EIF3E: variants seen among roughly 807,000 people sequenced by gnomAD.
The protein encoded by EIF3E is eukaryotic translation initiation factor 3 subunit E.
In EIF3E, 25 loss-of-function variants were observed where a neutral mutation model predicts 59.3. That is an observed-to-expected ratio of 0.42 (90% confidence interval 0.31 to 0.59). The LOEUF is 0.59. Ranked by LOEUF, EIF3E falls within the 20% of genes least tolerant of loss-of-function variation. The probability of loss-of-function intolerance (pLI) is 0.15; values close to 1 mark genes in which losing one functional copy is unlikely to be tolerated. For missense variants in EIF3E, 317 were observed against 534.3 expected (o/e 0.59, Z 4.01); for synonymous variants, 176 against 170.2 (o/e 1.03, Z -0.26).
Position 108,216,307 on chromosome 8 carries a change from C to T in EIF3E, c.951+105G>A, listed in dbSNP as rs1001001731. On this transcript the variant is annotated intron_variant, in intron 9 of 12. Transcript: ENST00000220849. ...TTTTTAAGATTAATAAGCATATTTC[C>T]GTTATAATTACTTCATTACTTTAAG... The T allele has an allele frequency of 1.1e-5, 9 of 828,464 alleles. No homozygotes were observed. The Admixed American group carries it at 2.3e-4, about 22-fold the overall frequency. The allele number at this position is 828,464 out of a possible 1,614,324, so 51.3% of individuals were successfully genotyped here.
intron 3 of EIF3E, among the ~76,000 whole-genome samples, chr8:108,239,231 A>G (rs1162761194): frequency 6.6e-6 from 1 of 152,116 alleles, no homozygotes; most frequent in African/African-American, 2.4e-5. Flanking sequence ...CTACTTTGGA[A>G]TGCAGTGGTA....
intron 7 of EIF3E, 133 bp downstream of exon 7, chr8:108,228,134 A>G: frequency 2.0e-6 from 2 of 991,954 alleles, no homozygotes; most frequent in Non-Finnish European, 2.8e-6. Flanking sequence ...GTAACAAGCA[A>G]ATCTACTACA....
intron 10 of EIF3E, among the ~76,000 whole-genome samples, chr8:108,204,646 A>C (rs1428325663): frequency 5.3e-5 from 8 of 151,530 alleles, no homozygotes; most frequent in Middle Eastern, 3.2e-3. Context: ...AGGAAAACAT[A>C]AATAAAACTG....
At chr8:108,203,378 A>G (rs1305386754) in intron 11 of EIF3E, 23 bp downstream of exon 11, 1 of 1,563,066 alleles carries the variant, frequency 6.4e-7, no homozygotes, top group Non-Finnish European at 8.8e-7. Flanking sequence ...GATAGTATGT[A>G]GCATAGCTAA....
chr8:108,204,746 T>TATATATATATAGAG (rs1354950271), intron 10 of EIF3E, among the ~76,000 whole-genome samples: 22 of 113,666 alleles, frequency 1.9e-4, no homozygotes, highest in Admixed American at 3.5e-4. Flanking sequence ...TATATATATA[T>TATATATATATAGAG]AGAGAGAGAG....
chr8:108,216,052 T>C (rs1815295684), intron 9 of EIF3E, among the ~76,000 whole-genome samples: 1 of 152,194 alleles, frequency 6.6e-6, no homozygotes, highest in South Asian at 2.1e-4. Context: ...TGACCTTGCC[T>C]GTACATATGA....
chr8:108,242,632 G>A (rs910515776), intron 1 of EIF3E: 19 of 1,162,702 alleles, frequency 1.6e-5, no homozygotes, highest in Non-Finnish European at 2.0e-5. Context: ...AAAGATGAAG[G>A]TGGTCAAAGG....
chr8:108,235,175 T>C (rs901645744), intron 4 of EIF3E, 73 bp from the exon 5 acceptor site: 6 of 902,246 alleles, frequency 6.7e-6, no homozygotes, highest in Admixed American at 6.3e-5. Context: ...TCATAAGTCT[T>C]TGAGGTCAAA....
At chr8:108,228,216 C>A (rs762396551) in intron 7 of EIF3E, 51 bp downstream of exon 7, 1 of 1,484,856 alleles carries the variant, frequency 6.7e-7, no homozygotes, top group South Asian at 1.4e-5. Flanking sequence ...TTAAACAACT[C>A]CATGTAATTT....
chr8:108,208,174 G>C (rs2129847219), intron 10 of EIF3E, among the ~76,000 whole-genome samples: 1 of 152,118 alleles, frequency 6.6e-6, no homozygotes, highest in African/African-American at 2.4e-5. Flanking sequence ...GGAAAAATAA[G>C]GCCTGGGGAT....
intron 10 of EIF3E, among the ~76,000 whole-genome samples, chr8:108,205,452 C>T (rs1815082335): frequency 6.6e-6 from 1 of 152,164 alleles, no homozygotes; most frequent in Admixed American, 6.6e-5. Flanking sequence ...ATCTATCTTA[C>T]ACATCTGCCA....
At chr8:108,232,085 C>G (rs1485233107) in intron 5 of EIF3E, among the ~76,000 whole-genome samples, 1 of 152,158 alleles carries the variant, frequency 6.6e-6, no homozygotes. Context: ...AAGTAAAACA[C>G]TGACATTTCT....
intron 3 of EIF3E, among the ~76,000 whole-genome samples, chr8:108,237,721 C>G (rs1189485402): frequency 2.0e-5 from 3 of 152,190 alleles, no homozygotes; most frequent in African/African-American, 7.2e-5. Flanking sequence ...ACATGAAATT[C>G]CAACATAGAA....
intron 5 of EIF3E, among the ~76,000 whole-genome samples, chr8:108,232,496 G>A (rs140656459): frequency 1.3e-3 from 198 of 152,040 alleles, no homozygotes; most frequent in South Asian, 8.1e-3. Flanking sequence ...TTTTAAGACC[G>A]GGAATTAACT....
At chr8:108,203,264 TTC>T (rs1435257410) in intron 11 of EIF3E, 135 bp downstream of exon 11, 1 of 1,266,416 alleles carries the variant, frequency 7.9e-7, no homozygotes, top group Admixed American at 2.4e-5. Context: ...AATAGGAGGC[TTC>T]TGTTGCCTTC....
chr8:108,233,010 G>A (rs374518292), intron 5 of EIF3E, among the ~76,000 whole-genome samples: 49 of 152,166 alleles, frequency 3.2e-4, no homozygotes, highest in African/African-American at 1.1e-3. Flanking sequence ...TTTACAATCC[G>A]GGTTTAAGCT....
chr8:108,204,956 T>TTAAAAACAC (rs1182115152), intron 10 of EIF3E, among the ~76,000 whole-genome samples: 1 of 152,050 alleles, frequency 6.6e-6, no homozygotes, highest in Non-Finnish European at 1.5e-5. Context: ...TTTATCAGAA[T>TTAAAAACAC]TAAAAACACA....
At chr8:108,244,959 C>T (rs900529845) in intron 1 of EIF3E, among the ~76,000 whole-genome samples, 2 of 151,970 alleles carry the variant, frequency 1.3e-5, no homozygotes, top group Non-Finnish European at 2.9e-5. Flanking sequence ...CTCCCATAGC[C>T]TTCTACCGCT....
intron 3 of EIF3E, among the ~76,000 whole-genome samples, chr8:108,237,943 A>T (rs1815765608): frequency 6.6e-6 from 1 of 152,238 alleles, no homozygotes; most frequent in Non-Finnish European, 1.5e-5. Context: ...TAAGTATAAG[A>T]TTACAAGTTT....
Sources: gnomAD v4.1 joint callset for allele counts (sites outside exome capture counted in the v4.1 genomes callset) on GRCh38, gnomAD v4.1.1 for gene constraint, MANE v1.5 for transcripts, NCBI Gene and HGNC (gene_info 2026-07-23, HGNC 2026-07-21) for gene names.